SRSF3: variants seen among roughly 807,000 people sequenced by gnomAD.
SRSF3 encodes the protein serine/arginine-rich splicing factor 3.
For missense variants in SRSF3, 58 were observed against 217.1 expected (o/e 0.27, Z 4.61); for synonymous variants, 87 against 73.6 (o/e 1.18, Z -0.93).
At chr6:36,600,829 A>G (rs1246049160) in intron 3 of SRSF3, 2 of 217,838 alleles carry the variant, frequency 9.2e-6, no homozygotes, top group African/African-American at 4.6e-5. Flanking sequence ...GTGGGACTAT[A>G]TTTTGGTGTG....
chr6:36,599,379 G>A (rs1778682379), intron 3 of SRSF3: 1 of 189,886 alleles, frequency 5.3e-6, no homozygotes, highest in Admixed American at 5.4e-5. Context: ...CAAACAGGCA[G>A]CTGTTTTAAT....
rs775227806 is a variant in SRSF3 at position 36,601,001 on chromosome 6, C to CTTTTTTT, written c.342-132_342-126dup. 5.7e-3 allele frequency: 493 copies of CTTTTTTT among 86,444 alleles called. 60 individuals are homozygous for CTTTTTTT. Among genetic ancestry groups the CTTTTTTT allele is most frequent in the East Asian group, 7.3e-3 (17 of 2,326 alleles). The allele number at this position is 86,444 out of a possible 1,614,324, so 5.4% of individuals were successfully genotyped here. ...GCCTTTTTTTTCTTTTCTTTTTTTT[C>CTTTTTTT]TTTTTTTTTTTTTTTTTTTTTTTTT... On this transcript the variant is annotated intron_variant, in intron 3 of 5. Coordinates refer to ENST00000373715, the MANE Select transcript of SRSF3 (RefSeq NM_003017.5).
At chr6:36,599,030 C>G in intron 3 of SRSF3, 47 bp downstream of exon 3, 1 of 1,593,916 alleles carries the variant, frequency 6.3e-7, no homozygotes, top group Non-Finnish European at 8.5e-7. Flanking sequence ...AATGGAGTAG[C>G]TAGTAGGAGC....
chr6:36,600,224 G>A (rs1408048541), intron 3 of SRSF3: 12 of 1,057,320 alleles, frequency 1.1e-5, no homozygotes, highest in Non-Finnish European at 1.1e-5. Context: ...CTTCCTGGCC[G>A]TCAGTCCGGC....
chr6:36,600,288 C>G, intron 3 of SRSF3: 1 of 1,036,122 alleles, frequency 9.7e-7, no homozygotes, highest in Non-Finnish European at 1.2e-6. Flanking sequence ...TAAGTTTTTC[C>G]TGCTTATACA....
At chr6:36,598,775 T>C in intron 2 of SRSF3, 74 bp from the exon 3 acceptor site, 1 of 1,543,328 alleles carries the variant, frequency 6.5e-7, no homozygotes, top group Middle Eastern at 2.4e-4. Flanking sequence ...AATAGCCAAC[T>C]GAGAGTACTT....
rs552612314 is a variant in SRSF3 at position 36,602,222 on chromosome 6, C to G, written c.*233C>G. The G allele has an allele frequency of 1.3e-6, 1 of 798,558 alleles. No homozygotes were observed. The allele number at this position is 798,558 out of a possible 1,614,324, so 49.5% of individuals were successfully genotyped here. ...AAGAATTGTTACTTTACAATGTTCCCTTAAGCAAAATTGAATTTGCTTTGA... is the reference window on the plus strand; with the variant it reads ...AAGAATTGTTACTTTACAATGTTCCGTTAAGCAAAATTGAATTTGCTTTGA... On this transcript the variant is annotated 3_prime_UTR_variant, in exon 6 of 6. Transcript: ENST00000373715.
chr6:36,601,001 C>CTTTTTTTTTTTTTTTTTTTTTTTTTT lies in SRSF3; in HGVS notation c.342-126_342-125insTTTTTTTTTTTTTTTTTTTTTTTTTT, dbSNP rs775227806. The stretch of plus-strand genomic sequence containing the variant: ...GCCTTTTTTTTCTTTTCTTTTTTTT[C>CTTTTTTTTTTTTTTTTTTTTTTTTTT]TTTTTTTTTTTTTTTTTTTTTTTTT... On this transcript the variant is annotated intron_variant, in intron 3 of 5. Transcript: ENST00000373715. The CTTTTTTTTTTTTTTTTTTTTTTTTTT allele has an allele frequency of 9.1e-4, 79 of 86,470 alleles. 11 individuals are homozygous for CTTTTTTTTTTTTTTTTTTTTTTTTTT. The highest frequency in any genetic ancestry group is 2.4e-3 in the African/African-American group (34 of 13,908). 5.4% of individuals were successfully genotyped at this position (86,470 alleles called of 1,614,324 possible).
intron 1 of SRSF3, among the ~76,000 whole-genome samples, chr6:36,595,669 C>T (rs767339457): frequency 1.3e-5 from 2 of 152,186 alleles, no homozygotes; most frequent in Non-Finnish European, 2.9e-5. Context: ...GTCAGTACAT[C>T]ATTCTGAATA....
chr6:36,601,038 G>A (rs1488019146), intron 3 of SRSF3, 114 bp from the exon 4 acceptor site: 1 of 269,422 alleles, frequency 3.7e-6, no homozygotes, highest in Admixed American at 5.6e-5. Context: ...GACGATGGGT[G>A]CCAGTTCTTC....
At chr6:36,599,785 T>C (rs951303313) in intron 3 of SRSF3, 3 of 1,331,030 alleles carry the variant, frequency 2.3e-6, no homozygotes, top group African/African-American at 3.0e-5. Flanking sequence ...TTGTGCTTTT[T>C]GGTCCATCTA....
At chr6:36,599,005 A>G in intron 3 of SRSF3, 22 bp downstream of exon 3, 1 of 1,613,598 alleles carries the variant, frequency 6.2e-7, no homozygotes, top group African/African-American at 1.3e-5. Flanking sequence ...AAAGCTTGTT[A>G]AGAGGTATTG....
At chr6:36,601,886 T>G (rs1777204456) in intron 5 of SRSF3, 76 bp from the exon 6 acceptor site, 1 of 1,593,252 alleles carries the variant, frequency 6.3e-7, no homozygotes, top group Non-Finnish European at 8.5e-7. Context: ...CTTAAAGTTC[T>G]ATTTCGATAT....
Position 36,599,646 on chromosome 6 carries a change from A to G in SRSF3, c.341+663A>G, listed in dbSNP as rs567200966. The stretch of plus-strand genomic sequence containing the variant: ...TCTTACAGGTGAGTGGAGTCCTTCT[A>G]GGAGACAGGAGTTCAAAATCTTGCC... On this transcript the variant is annotated intron_variant, in intron 3 of 5. Coordinates refer to ENST00000373715, the MANE Select transcript of SRSF3 (RefSeq NM_003017.5). The G allele has an allele frequency of 1.1e-4, 46 of 434,462 alleles. 1 individual carries two copies. The highest frequency in any genetic ancestry group is 8.3e-4 in the South Asian group (46 of 55,162). The allele number at this position is 434,462 out of a possible 1,614,324, so 26.9% of individuals were successfully genotyped here.
At chr6:36,601,902 TA>T (rs144989907) in intron 5 of SRSF3, 59 bp from the exon 6 acceptor site, 36,707 of 1,587,056 alleles carry the variant, frequency 0.023, 509 homozygotes, top group African/African-American at 0.039. Flanking sequence ...GATATGTCAC[TA>T]AAGTGTCACC....
intron 3 of SRSF3, chr6:36,600,449 C>A: frequency 4.3e-6 from 1 of 232,928 alleles, no homozygotes; most frequent in Non-Finnish European, 7.0e-6. Context: ...GTAACTAGGC[C>A]TTCAAGTGAA....
At chr6:36,601,580 G>C in intron 4 of SRSF3, 128 bp from the exon 5 acceptor site, 1 of 847,720 alleles carries the variant, frequency 1.2e-6, no homozygotes, top group South Asian at 1.8e-5. Context: ...TTGGCTTCAA[G>C]TGAGCCTCCT....
intron 3 of SRSF3, 160 bp from the exon 4 acceptor site, chr6:36,600,992 C>CTTTTTTTTT (rs1169887735): frequency 1.8e-5 from 6 of 340,288 alleles, no homozygotes; most frequent in Admixed American, 7.0e-5. Context: ...TTTTTCTTTT[C>CTTTTTTTTT]TTTTTTTTCT....
At chr6:36,600,415 T>G in intron 3 of SRSF3, 2 of 423,118 alleles carry the variant, frequency 4.7e-6, no homozygotes, top group South Asian at 1.9e-4. Flanking sequence ...GAAAAACTTT[T>G]AAGGGTGATA....
Sources: allele counts gnomAD v4.1 joint callset (sites outside exome capture counted in the v4.1 genomes callset), GRCh38; gene constraint gnomAD v4.1.1; transcripts MANE v1.5; gene names NCBI Gene and HGNC (gene_info 2026-07-23, HGNC 2026-07-21).